CYTH1: variants seen among roughly 807,000 people sequenced by gnomAD.
CYTH1 encodes the protein cytohesin-1.
A neutral mutation model predicts 61.8 loss-of-function variants in CYTH1; 18 were observed. That is an observed-to-expected ratio of 0.29 (90% CI 0.20 to 0.43). The LOEUF (loss-of-function observed/expected upper bound fraction) is 0.43, where lower values mean the gene tolerates loss of function less well. Among genes scored for constraint, CYTH1 ranks in the 20% least tolerant of loss-of-function variants. The probability of loss-of-function intolerance (pLI) is 1.00; values close to 1 mark genes in which losing one functional copy is unlikely to be tolerated. For synonymous variants in CYTH1, 174 were observed against 184.3 expected (o/e 0.94, Z 0.45); for missense variants, 336 against 510.5 (o/e 0.66, Z 3.29).
intron 13 of CYTH1, chr17:78,676,965 A>G (rs1274501120): frequency 6.6e-6 from 3 of 455,188 alleles, no homozygotes; most frequent in African/African-American, 6.0e-5. Context: ...GCTCGGGCAC[A>G]AGCCTCCTGA....
rs188451521 is a variant in CYTH1 at position 78,737,182 on chromosome 17, T to C, written c.23-27450A>G. On this transcript the variant is annotated intron_variant, in intron 1 of 13. Coordinates refer to ENST00000446868, the MANE Select transcript of CYTH1 (RefSeq NM_004762.6). ...GGGGGACTGGTGCCAGGAACTCCGA[T>C]GGACACCAAAACCCACGGATGCTTG... Among the ~76,000 whole-genome samples, 251 of 152,320 alleles carry C rather than the reference T, an allele frequency of 1.6e-3. 1 individual carries two copies. Among genetic ancestry groups the C allele is most frequent in the Non-Finnish European group, 3.1e-3 (210 of 68,018 alleles).
In CYTH1 at chr17:78,729,081, C is replaced by T. The variant is rs541911022; in HGVS notation, c.23-19349G>A. Among the ~76,000 whole-genome samples, 8 of 152,088 alleles carry T rather than the reference C, an allele frequency of 5.3e-5. No homozygotes were observed. The South Asian group carries it at 1.7e-3, about 32-fold the overall frequency. On this transcript the variant is annotated intron_variant, in intron 1 of 13. Transcript: ENST00000446868. ...GACAATAAATTCACAAAACATATGA[C>T]AAAGGGTTAATATCTTTTTTTAAAT...
At chr17:78,779,452 T>G (rs972820891) in intron 1 of CYTH1, among the ~76,000 whole-genome samples, 2 of 151,524 alleles carry the variant, frequency 1.3e-5, no homozygotes, top group Non-Finnish European at 2.9e-5. Context: ...TTACAAACTT[T>G]CTCATCTTCG....
intron 1 of CYTH1, among the ~76,000 whole-genome samples, chr17:78,778,039 A>T (rs2093500008): frequency 6.6e-6 from 1 of 152,128 alleles, no homozygotes; most frequent in South Asian, 2.1e-4. Flanking sequence ...TTGGTGGCTC[A>T]GGCCTGTAAT....
intron 1 of CYTH1, among the ~76,000 whole-genome samples, chr17:78,780,733 G>A (rs1007164402): frequency 2.0e-5 from 3 of 152,098 alleles, no homozygotes; most frequent in Admixed American, 6.6e-5. Flanking sequence ...AGGGCTGGGC[G>A]CGGTGGCTCA....
chr17:78,730,122 T>C (rs1041704895), intron 1 of CYTH1, among the ~76,000 whole-genome samples: 3 of 152,200 alleles, frequency 2.0e-5, no homozygotes, highest in African/African-American at 4.8e-5. Flanking sequence ...CCCATTCTGC[T>C]GTGATTTCGT....
chr17:78,764,232 T>C (rs1355758424), intron 1 of CYTH1, among the ~76,000 whole-genome samples: 1 of 151,004 alleles, frequency 6.6e-6, no homozygotes, highest in Admixed American at 6.6e-5. Context: ...AGTCTTGCTC[T>C]GTTGTCCAGG....
At chr17:78,711,387 T>C (rs1275650310) in intron 1 of CYTH1, among the ~76,000 whole-genome samples, 1 of 151,936 alleles carries the variant, frequency 6.6e-6, no homozygotes, top group Non-Finnish European at 1.5e-5. Context: ...TAATATTTTA[T>C]ATTGATTGCA....
intron 9 of CYTH1, among the ~76,000 whole-genome samples, chr17:78,697,603 GA>G (rs1201781120): frequency 1.8e-4 from 26 of 141,908 alleles, no homozygotes; most frequent in East Asian, 1.7e-3. Context: ...AAAAGGAGGG[GA>G]AAAAAAAAAG....
At chr17:78,733,846 G>C in intron 1 of CYTH1, among the ~76,000 whole-genome samples, 1 of 152,250 alleles carries the variant, frequency 6.6e-6, no homozygotes, top group East Asian at 1.9e-4. Context: ...GGACACAGCA[G>C]GGCTGAACTG....
chr17:78,758,073 C>T (rs1419583730), intron 1 of CYTH1, among the ~76,000 whole-genome samples: 2 of 152,152 alleles, frequency 1.3e-5, no homozygotes, highest in African/African-American at 4.8e-5. Context: ...GTTAAACTCC[C>T]TAACCCAGTA....
At chr17:78,684,299 A>C (rs140875750) in intron 11 of CYTH1, among the ~76,000 whole-genome samples, 1 of 152,352 alleles carries the variant, frequency 6.6e-6, no homozygotes, top group African/African-American at 2.4e-5. Flanking sequence ...TGCTGGAGTG[A>C]AAGAAGAATG....
intron 6 of CYTH1, 75 bp downstream of exon 6, chr17:78,701,596 G>T (rs2093009473): frequency 7.8e-7 from 1 of 1,282,130 alleles, no homozygotes; most frequent in Non-Finnish European, 1.1e-6. Context: ...TCAATAAAAT[G>T]CCCCCCAGGA....
chr17:78,749,025 A>G (rs564182267), intron 1 of CYTH1, among the ~76,000 whole-genome samples: 24 of 152,226 alleles, frequency 1.6e-4, no homozygotes, highest in Middle Eastern at 6.8e-3. Context: ...ACACCCACAT[A>G]CTGTGTGAGG....
intron 11 of CYTH1, among the ~76,000 whole-genome samples, chr17:78,684,076 T>C (rs1264837649): frequency 6.6e-6 from 1 of 152,194 alleles, no homozygotes; most frequent in African/African-American, 2.4e-5. Context: ...CCCATGCTCT[T>C]CAGCCTGGGA....
chr17:78,747,170 A>AAAAAAAAAC (rs1567872924), intron 1 of CYTH1, among the ~76,000 whole-genome samples: 15 of 148,892 alleles, frequency 1.0e-4, no homozygotes, highest in African/African-American at 2.8e-4. Flanking sequence ...AAAAAAAAAA[A>AAAAAAAAAC]GAAAAAACTA....
At chr17:78,694,154 A>G (rs2092915884) in intron 10 of CYTH1, among the ~76,000 whole-genome samples, 1 of 152,250 alleles carries the variant, frequency 6.6e-6, no homozygotes, top group African/African-American at 2.4e-5. Flanking sequence ...GCAGACAAGT[A>G]AAAGGACCAC....
chr17:78,745,077 G>T (rs1325387215), intron 1 of CYTH1, among the ~76,000 whole-genome samples: 1 of 152,108 alleles, frequency 6.6e-6, no homozygotes, highest in Non-Finnish European at 1.5e-5. Flanking sequence ...ACATTTTGGG[G>T]ATTTTTCTTT....
chr17:78,721,324 C>T (rs1225089647), intron 1 of CYTH1, among the ~76,000 whole-genome samples: 2 of 151,992 alleles, frequency 1.3e-5, no homozygotes, highest in South Asian at 2.1e-4. Context: ...AGCAAGACTC[C>T]GTCTCAAAAA....
Sources: gnomAD v4.1 joint callset for allele counts (sites outside exome capture counted in the v4.1 genomes callset) on GRCh38, gnomAD v4.1.1 for gene constraint, MANE v1.5 for transcripts, NCBI Gene and HGNC (gene_info 2026-07-23, HGNC 2026-07-21) for gene names.